The following ZNF679 variants were observed in gnomAD, a reference collection of about 807,000 sequenced individuals.
ZNF679 encodes the protein hypothetical protein MGC42415.
ZNF679 carries 10 observed loss-of-function variants against 13.4 expected under a neutral mutation model. The observed-to-expected ratio is 0.75, with a 90% CI of 0.46 to 1.27. The LOEUF (loss-of-function observed/expected upper bound fraction) is 1.27. Among genes scored for constraint, ZNF679 ranks in the 50% most tolerant of loss-of-function variants. The pLI is 0.00. For missense variants in ZNF679, 525 were observed against 477.8 expected, an observed-to-expected ratio of 1.10 and a Z score of -0.92; for synonymous variants, 179 against 162.5, an observed-to-expected ratio of 1.10 and a Z score of -0.77.
intron 1 of ZNF679, among the ~76,000 whole-genome samples, chr7:64,237,449 T>C (rs1433867128): frequency 6.6e-6 from 1 of 152,154 alleles, no homozygotes; most frequent in Non-Finnish European, 1.5e-5. Context: ...TGAACCCGGA[T>C]GAGACATGGA....
intron 4 of ZNF679, among the ~76,000 whole-genome samples, chr7:64,263,038 C>A (rs1788098581): frequency 7.7e-6 from 1 of 130,712 alleles, no homozygotes; most frequent in Non-Finnish European, 1.7e-5. Flanking sequence ...TACCTTTTTT[C>A]TTTTTAGTTT....
intron 2 of ZNF679, among the ~76,000 whole-genome samples, chr7:64,257,903 T>A (rs6949304): frequency 0.17 from 25,790 of 152,148 alleles, 2,746 homozygotes; most frequent in Non-Finnish European, 0.23. Flanking sequence ...TCCTGGACCC[T>A]TTTGGGTCCT....
intron 3 of ZNF679, 80 bp from the exon 4 acceptor site, chr7:64,260,754 C>T: frequency 7.3e-7 from 1 of 1,370,870 alleles, no homozygotes; most frequent in Non-Finnish European, 9.8e-7. Flanking sequence ...CTATTATATC[C>T]TCTTTACTAA....
intron 4 of ZNF679, among the ~76,000 whole-genome samples, chr7:64,262,456 T>C (rs978631840): frequency 2.0e-5 from 3 of 152,234 alleles, no homozygotes; most frequent in Non-Finnish European, 2.9e-5. Flanking sequence ...ATTTCGTTAG[T>C]TTTTTTCCAA....
At chr7:64,232,751 T>A (rs543214963) in intron 1 of ZNF679, among the ~76,000 whole-genome samples, 12 of 152,262 alleles carry the variant, frequency 7.9e-5, no homozygotes, top group African/African-American at 2.9e-4. Context: ...ATCGCCTAGA[T>A]AATGGGCCTG....
chr7:64,261,627 CTCA>C (rs1267863151), intron 4 of ZNF679, among the ~76,000 whole-genome samples: 5 of 151,898 alleles, frequency 3.3e-5, no homozygotes, highest in African/African-American at 4.8e-5. Flanking sequence ...CATCTTTTTT[CTCA>C]TCAACAACTT....
intron 1 of ZNF679, among the ~76,000 whole-genome samples, chr7:64,234,784 C>T (rs1357687268): frequency 1.3e-5 from 2 of 152,180 alleles, no homozygotes; most frequent in East Asian, 1.9e-4. Flanking sequence ...ATATACCTCT[C>T]ATGTCCTGCC....
At chr7:64,248,300 T>G (rs1249492115) in intron 1 of ZNF679, among the ~76,000 whole-genome samples, 3 of 151,982 alleles carry the variant, frequency 2.0e-5, no homozygotes, top group Non-Finnish European at 4.4e-5. Flanking sequence ...TTTTTTTTTT[T>G]GAGACCGAGT....
In ZNF679 at chr7:64,260,354, A is replaced by G. The variant is rs762133425; in HGVS notation, c.166+7A>G. The stretch of plus-strand genomic sequence containing the variant: ...AGAAACCTGGTCTCCCTGGGTGAGG[A>G]TAACTTCAATACACAATTCCTAATA... On this transcript the variant is annotated splice_region_variant and intron_variant, in intron 3 of 4. Transcript: ENST00000421025. 3 of 1,599,684 alleles carry G rather than the reference A, an allele frequency of 1.9e-6. No homozygotes were observed. The highest frequency in any genetic ancestry group is 2.7e-5 in the African/African-American group (2 of 73,766).
chr7:64,263,126 C>G (rs1272341413), intron 4 of ZNF679, among the ~76,000 whole-genome samples: 3 of 152,072 alleles, frequency 2.0e-5, no homozygotes, highest in African/African-American at 7.2e-5. Flanking sequence ...GTTTCTCACT[C>G]TGTTGCCCAG....
chr7:64,228,477 A>G lies in ZNF679; in HGVS notation c.-266A>G, dbSNP rs889989113. The G allele has an allele frequency of 6.6e-6, 1 of 152,262 alleles. No homozygotes were observed. Among genetic ancestry groups the G allele is most frequent in the African/African-American group, 2.4e-5 (1 of 41,472 alleles). The allele number at this position is 152,262 out of a possible 1,614,324, so 9.4% of individuals were successfully genotyped here. On this transcript the variant is annotated 5_prime_UTR_variant, in exon 1 of 5. Coordinates refer to ENST00000421025, the MANE Select transcript of ZNF679 (RefSeq NM_153363.3). Reference sequence around the variant, plus strand: ...GGCTGGAGAGTTATATCACCTAGGTACTTGATCCAGGTATATGTCACATTC... The same window carrying G: ...GGCTGGAGAGTTATATCACCTAGGTGCTTGATCCAGGTATATGTCACATTC...
chr7:64,249,188 G>A (rs897833543), intron 2 of ZNF679, 32 bp downstream of exon 2: 34 of 1,613,912 alleles, frequency 2.1e-5, no homozygotes, highest in Non-Finnish European at 2.7e-5. Flanking sequence ...GTGAGAGAGG[G>A]GTGAGGGCTG....
At chr7:64,237,496 T>G (rs1787743554) in intron 1 of ZNF679, among the ~76,000 whole-genome samples, 1 of 152,210 alleles carries the variant, frequency 6.6e-6, no homozygotes, top group Admixed American at 6.5e-5. Flanking sequence ...GCTTGTGTGC[T>G]GAAGAATAGA....
intron 2 of ZNF679, among the ~76,000 whole-genome samples, chr7:64,251,891 C>A (rs542754379): frequency 1.3e-4 from 20 of 152,330 alleles, no homozygotes; most frequent in African/African-American, 4.6e-4. Context: ...AAGCTAATCC[C>A]TTGCGACATT....
intron 4 of ZNF679, among the ~76,000 whole-genome samples, chr7:64,264,108 T>C (rs571676626): frequency 1.1e-3 from 162 of 152,190 alleles, no homozygotes; most frequent in African/African-American, 3.8e-3. Flanking sequence ...TAAATGGACT[T>C]ATTTTACCAT....
chr7:64,265,973 A>G lies in ZNF679; in HGVS notation c.340A>G (p.Arg114Gly). 1 of 1,613,874 alleles carries G rather than the reference A, an allele frequency of 6.2e-7. No homozygotes were observed. The highest frequency in any genetic ancestry group is 8.5e-7 in the Non-Finnish European group (1 of 1,179,878). The change falls in exon 5 of 5, where the codon AGA (arginine) becomes GGA (glycine). Residue 114 changes from arginine to glycine, a missense_variant. Physicochemically the swap from Arg to Gly is moderately radical, Grantham distance 125. Transcript: ENST00000421025. ...TTCACTCCAAAAAGTAATACCAAGA[A>G]GATATGGAAAAAGTGGACATGACAA... ...KDSLQKVIPR[R>G]YGKSGHDNLQ...
chr7:64,260,687 A>AT, intron 3 of ZNF679, 147 bp from the exon 4 acceptor site: 1 of 1,013,512 alleles, frequency 9.9e-7, no homozygotes, highest in Non-Finnish European at 1.4e-6. Flanking sequence ...AATTTAAAAT[A>AT]TTTTCTAAAT....
chr7:64,228,653 G>C lies in ZNF679; in HGVS notation c.-91+1G>C, dbSNP rs946192898. The C allele has an allele frequency of 1.3e-5, 2 of 152,194 alleles. No individual in the cohort carries two copies. The highest frequency in any genetic ancestry group is 4.8e-5 in the African/African-American group (2 of 41,450). 9.4% of individuals were successfully genotyped at this position (152,194 alleles called of 1,614,324 possible). A position where few individuals can be genotyped will look rare whatever the true frequency, so the allele number is the denominator to read the frequency against. On this transcript the variant is annotated splice_donor_variant, in intron 1 of 4. Coordinates refer to ENST00000421025, the MANE Select transcript of ZNF679 (RefSeq NM_153363.3). LOFTEE classifies it low-confidence loss of function (5UTR_SPLICE). ...TTAGGTCTGAGAGTCTACACTTCTG[G>C]TGAGTTGCATCCAAATACACGAGAC...
chr7:64,264,733 A>G (rs1171829697), intron 4 of ZNF679, among the ~76,000 whole-genome samples: 1 of 152,092 alleles, frequency 6.6e-6, no homozygotes, highest in Non-Finnish European at 1.5e-5. Flanking sequence ...CAAATGTGTC[A>G]GAGGACTATG....
Sources: gnomAD v4.1 joint callset for allele counts (sites outside exome capture counted in the v4.1 genomes callset) on GRCh38, gnomAD v4.1.1 for gene constraint, MANE v1.5 for transcripts, NCBI Gene and HGNC (gene_info 2026-07-23, HGNC 2026-07-21) for gene names.